Variants in ZPLD1 observed in about 807,000 individuals in gnomAD.
The protein encoded by ZPLD1 is zona pellucida-like domain-containing protein 1.
Under a neutral mutation model 47.2 loss-of-function variants are expected in ZPLD1, and 34 were observed. That is an observed-to-expected ratio of 0.72 (90% CI 0.55 to 0.96). The LOEUF (loss-of-function observed/expected upper bound fraction) is 0.96, where lower values mean the gene tolerates loss of function less well. Among genes scored for constraint, ZPLD1 ranks in the 40% least tolerant of loss-of-function variants. ZPLD1 has a pLI of 0.00. For synonymous variants in ZPLD1, 176 were observed against 186.2 expected (o/e 0.95, Z 0.45); for missense variants, 512 against 505.8 (o/e 1.01, Z -0.12).
intron 8 of ZPLD1, among the ~76,000 whole-genome samples, chr3:102,425,997 A>G (rs1174139680): frequency 6.6e-6 from 1 of 151,916 alleles, no homozygotes; most frequent in Non-Finnish European, 1.5e-5. Context: ...AAGATACCAC[A>G]GAATAAATTA....
At chr3:102,426,298 G>A (rs1239500231) in intron 8 of ZPLD1, among the ~76,000 whole-genome samples, 1 of 151,882 alleles carries the variant, frequency 6.6e-6, no homozygotes, top group African/African-American at 2.4e-5. Context: ...CAGGTAGTTC[G>A]CCTGAGGTCA....
At chr3:102,433,462 T>G (rs1707041746), upstream of ZPLD1, among the ~76,000 whole-genome samples, 1 of 152,224 alleles carries the variant, frequency 6.6e-6, no homozygotes, top group African/African-American at 2.4e-5. Context: ...TAAAACACTC[T>G]GGTACACAGT....
chr3:102,450,885 A>G (rs1707327635), intron 3 of ZPLD1, among the ~76,000 whole-genome samples: 1 of 152,240 alleles, frequency 6.6e-6, no homozygotes. Flanking sequence ...TTTAGAAATT[A>G]TCTTTGCATT....
At position 102,391,408 on chromosome 3, in the gene ZPLD1, G is replaced by C. The variant is rs186166135; in HGVS notation, c.-212-762G>C. ...TTGATGTTCCTGTTATCAAGATGTG[G>C]GGTGTCTGTGTTCCTTCCTCTTGAA... On this transcript the variant is annotated intron_variant, in intron 6 of 17. Transcript: ENST00000491959. Among the ~76,000 whole-genome samples the C allele has an allele frequency of 3.3e-5, 5 of 152,144 alleles. No homozygotes were observed. The East Asian group carries it at 9.7e-4, about 29-fold the overall frequency.
chr3:102,409,533 T>A (rs1201110736), intron 7 of ZPLD1, among the ~76,000 whole-genome samples: 1 of 151,830 alleles, frequency 6.6e-6, no homozygotes, highest in African/African-American at 2.4e-5. Flanking sequence ...GTTAAAAACA[T>A]GTTAAACTAT....
At chr3:102,391,831 G>C (rs912342124) in intron 6 of ZPLD1, among the ~76,000 whole-genome samples, 3 of 152,144 alleles carry the variant, frequency 2.0e-5, no homozygotes, top group Non-Finnish European at 4.4e-5. Flanking sequence ...CAGGGAATCA[G>C]ACAACCTTAT....
At chr3:102,410,755 C>T (rs996968988) in intron 7 of ZPLD1, among the ~76,000 whole-genome samples, 1 of 151,646 alleles carries the variant, frequency 6.6e-6, no homozygotes, top group Non-Finnish European at 1.5e-5. Flanking sequence ...GCATAGGAAA[C>T]CTGCTGACTG....
intron 8 of ZPLD1, among the ~76,000 whole-genome samples, chr3:102,467,079 A>G (rs911667591): frequency 6.6e-6 from 1 of 152,132 alleles, no homozygotes; most frequent in Non-Finnish European, 1.5e-5. Context: ...TACAAAACTT[A>G]CTTCTGGTGG....
chr3:102,416,088 T>A (rs1706801120), intron 7 of ZPLD1, among the ~76,000 whole-genome samples: 1 of 151,926 alleles, frequency 6.6e-6, no homozygotes, highest in African/African-American at 2.4e-5. Flanking sequence ...ACCCAGCTTG[T>A]AAGACAAGAA....
chr3:102,444,154 A>G (rs1461244050), intron 3 of ZPLD1, among the ~76,000 whole-genome samples: 3 of 152,108 alleles, frequency 2.0e-5, no homozygotes, highest in African/African-American at 7.2e-5. Flanking sequence ...TATAAATAAA[A>G]CCCATTTGCT....
intron 8 of ZPLD1, among the ~76,000 whole-genome samples, chr3:102,464,691 T>C (rs1269482128): frequency 6.6e-6 from 1 of 152,218 alleles, no homozygotes; most frequent in Non-Finnish European, 1.5e-5. Flanking sequence ...TGTTCATTTA[T>C]CAGTATTTAG....
At chr3:102,467,303 A>G (rs1447546515) in intron 8 of ZPLD1, among the ~76,000 whole-genome samples, 1 of 152,136 alleles carries the variant, frequency 6.6e-6, no homozygotes, top group Non-Finnish European at 1.5e-5. Context: ...CCTTGAAAAA[A>G]TACATTAATA....
At chr3:102,411,248 G>T (rs1307939425) in intron 7 of ZPLD1, among the ~76,000 whole-genome samples, 5 of 151,752 alleles carry the variant, frequency 3.3e-5, no homozygotes, top group African/African-American at 9.7e-5. Context: ...ATGTAAAACT[G>T]TACCAAAAAA....
At chr3:102,406,067 C>T (rs1346786986) in intron 7 of ZPLD1, among the ~76,000 whole-genome samples, 3 of 151,968 alleles carry the variant, frequency 2.0e-5, no homozygotes, top group African/African-American at 7.2e-5. Context: ...GAAACGCTTG[C>T]TTTCAAAATA....
At chr3:102,436,050 C>A (rs1326895480) in intron 1 of ZPLD1, among the ~76,000 whole-genome samples, 1 of 152,164 alleles carries the variant, frequency 6.6e-6, no homozygotes, top group Non-Finnish European at 1.5e-5. Flanking sequence ...AAGAAAGCTG[C>A]CTTCTACTTC....
chr3:102,434,881 A>G (rs1033875044), upstream of ZPLD1: 6 of 474,996 alleles, frequency 1.3e-5, no homozygotes, highest in African/African-American at 1.9e-5. Context: ...CCACAGAATC[A>G]GGTTCTACAT....
chr3:102,470,552 C>T (rs1238604617), intron 10 of ZPLD1, 50 bp downstream of exon 10: 1 of 1,487,558 alleles, frequency 6.7e-7, no homozygotes, highest in African/African-American at 1.4e-5. Context: ...TCCAAAATGC[C>T]TCGTTACTTG....
chr3:102,430,880 T>C (rs1248035517), upstream of ZPLD1, among the ~76,000 whole-genome samples: 1 of 152,182 alleles, frequency 6.6e-6, no homozygotes, highest in South Asian at 2.1e-4. Context: ...TTAAGATAAC[T>C]AGTAAAATTA....
chr3:102,443,223 G>C (rs538483681), intron 3 of ZPLD1, among the ~76,000 whole-genome samples: 1 of 152,100 alleles, frequency 6.6e-6, no homozygotes, highest in Non-Finnish European at 1.5e-5. Context: ...ATGGGAAACT[G>C]AATATGAGTC....
Sources: allele counts gnomAD v4.1 joint callset (sites outside exome capture counted in the v4.1 genomes callset), GRCh38; gene constraint gnomAD v4.1.1; transcripts MANE v1.5; gene names NCBI Gene and HGNC (gene_info 2026-07-23, HGNC 2026-07-21).